The following MAPK10 variants were observed in gnomAD, a reference collection of about 807,000 sequenced individuals.
MAPK10 encodes JNK3 alpha protein kinase.
In MAPK10, 25 loss-of-function variants were observed where a neutral mutation model predicts 59.3. The observed-to-expected ratio is 0.42, with a 90% CI of 0.31 to 0.59. The LOEUF is 0.59. MAPK10 is among the 20% of genes least tolerant of loss of function. The pLI is 0.15. For synonymous variants in MAPK10, 190 were observed against 200.5 expected (o/e 0.95, Z 0.44); for missense variants, 351 against 568.9 (o/e 0.62, Z 3.90).
At chr4:86,232,411 T>C (rs1583249463) in intron 2 of MAPK10, among the ~76,000 whole-genome samples, 2 of 151,978 alleles carry the variant, frequency 1.3e-5, no homozygotes, top group East Asian at 1.9e-4. Flanking sequence ...TCTTGCTCTG[T>C]AGCCCAGGCT....
intron 2 of MAPK10, among the ~76,000 whole-genome samples, chr4:86,322,805 T>A (rs2095929199): frequency 6.6e-6 from 1 of 152,228 alleles, no homozygotes; most frequent in Admixed American, 6.5e-5. Context: ...ATCGAAGTCA[T>A]TCCATATTTG....
intron 1 of MAPK10, among the ~76,000 whole-genome samples, chr4:86,580,171 T>G (rs972905014): frequency 6.6e-6 from 1 of 152,090 alleles, no homozygotes; most frequent in Non-Finnish European, 1.5e-5. Context: ...GCAGTATGTT[T>G]GGAAACAAAT....
At chr4:86,218,697 T>C (rs769670559) in intron 2 of MAPK10, among the ~76,000 whole-genome samples, 1 of 152,078 alleles carries the variant, frequency 6.6e-6, no homozygotes, top group Non-Finnish European at 1.5e-5. Context: ...ATAGGGGCTA[T>C]TAATTAGGTG....
chr4:86,590,601 T>C (rs1050287411), intron 1 of MAPK10, among the ~76,000 whole-genome samples: 5 of 151,996 alleles, frequency 3.3e-5, no homozygotes, highest in African/African-American at 7.3e-5. Flanking sequence ...CTGGGCAACA[T>C]AGCAAGACCC....
intron 11 of MAPK10, among the ~76,000 whole-genome samples, chr4:86,057,387 G>C (rs2044799651): frequency 1.3e-5 from 2 of 150,208 alleles, no homozygotes; most frequent in Non-Finnish European, 1.5e-5. Context: ...AGTTATAACT[G>C]ATTAACATTT....
At chr4:86,539,472 T>C (rs1191342414) in intron 1 of MAPK10, among the ~76,000 whole-genome samples, 2 of 152,066 alleles carry the variant, frequency 1.3e-5, no homozygotes, top group Non-Finnish European at 2.9e-5. Context: ...GCCCTGGTGC[T>C]TTTAGAAACC....
At chr4:86,322,751 CTT>C (rs2148895846) in intron 2 of MAPK10, among the ~76,000 whole-genome samples, 1 of 152,316 alleles carries the variant, frequency 6.6e-6, no homozygotes, top group East Asian at 1.9e-4. Flanking sequence ...ACCCCATTCT[CTT>C]TCCTGGGGTT....
chr4:86,145,644 C>G (rs1039561456), intron 4 of MAPK10, among the ~76,000 whole-genome samples: 1 of 152,140 alleles, frequency 6.6e-6, no homozygotes, highest in Non-Finnish European at 1.5e-5. Flanking sequence ...TCCTACATCT[C>G]TCTGTCTGTG....
At position 86,017,268 on chromosome 4, in the gene MAPK10, C is replaced by A; in HGVS notation, c.1355G>T (p.Ser452Ile). 5 of 1,614,146 alleles carry A rather than the reference C, an allele frequency of 3.1e-6. No homozygotes were observed. The highest frequency in any genetic ancestry group is 4.2e-6 in the Non-Finnish European group (5 of 1,180,014). ...DQTLASDTDSSLEASAGPLGC... is the reference protein window; with the variant it reads ...DQTLASDTDSILEASAGPLGC... Reference sequence around the variant, plus strand: ...CAGGGGTCCTGCCGAGGCTTCCAGGCTGCTGTCAGTGTCAGATGCCAGGGT... The same window carrying A: ...CAGGGGTCCTGCCGAGGCTTCCAGGATGCTGTCAGTGTCAGATGCCAGGGT... Residue 452 changes from serine to isoleucine, a missense_variant, in exon 14 of 14, where the codon AGC becomes ATC. Coordinates refer to ENST00000641462, the MANE Select transcript of MAPK10 (RefSeq NM_138982.4). This position sits in a 1 kb window ranked among gnomAD's most constrained non-coding sequence, Gnocchi z 4.4.
intron 11 of MAPK10, among the ~76,000 whole-genome samples, chr4:86,044,936 A>G (rs148509066): frequency 1.3e-5 from 2 of 152,176 alleles, no homozygotes; most frequent in Non-Finnish European, 2.9e-5. Flanking sequence ...AACTTTCTTA[A>G]GTACTTGCAA....
At chr4:86,073,929 G>A (rs1258783683) in intron 9 of MAPK10, among the ~76,000 whole-genome samples, 1 of 112,126 alleles carries the variant, frequency 8.9e-6, no homozygotes, top group African/African-American at 3.9e-5. Flanking sequence ...GCAGAGCTGA[G>A]TTCAATTCCT....
intron 1 of MAPK10, among the ~76,000 whole-genome samples, chr4:86,527,517 C>G (rs1026640055): frequency 5.9e-5 from 9 of 152,040 alleles, no homozygotes; most frequent in African/African-American, 2.2e-4. Flanking sequence ...ACAACAGATG[C>G]TGGTGAGGCT....
intron 5 of MAPK10, among the ~76,000 whole-genome samples, chr4:86,105,136 C>A (rs985345213): frequency 6.6e-6 from 1 of 151,962 alleles, no homozygotes; most frequent in African/African-American, 2.4e-5. Context: ...AACAGGGGAC[C>A]AAACTAACAC....
chr4:86,100,112 A>G (rs576816735), intron 8 of MAPK10: 1 of 152,338 alleles, frequency 6.6e-6, no homozygotes, highest in Admixed American at 6.5e-5. Context: ...GATTATTTTT[A>G]TAAAACTTAT....
intron 4 of MAPK10, among the ~76,000 whole-genome samples, chr4:86,142,309 A>G (rs2063805919): frequency 6.6e-6 from 1 of 152,224 alleles, no homozygotes. Flanking sequence ...AGCTGCGTTA[A>G]TGGACAAGCC....
chr4:86,440,088 A>C (rs1220559683), intron 1 of MAPK10, among the ~76,000 whole-genome samples: 1 of 152,204 alleles, frequency 6.6e-6, no homozygotes, highest in African/African-American at 2.4e-5. Context: ...TTAATCACCA[A>C]AACAGCACAG....
At chr4:86,582,279 C>T (rs372445527) in intron 1 of MAPK10, among the ~76,000 whole-genome samples, 5 of 151,324 alleles carry the variant, frequency 3.3e-5, no homozygotes, top group African/African-American at 4.9e-5. Flanking sequence ...TTTGCTAATA[C>T]GTTTTTGTTT....
chr4:86,232,422 A>G (rs139054115), intron 2 of MAPK10, among the ~76,000 whole-genome samples: 12,618 of 150,746 alleles, frequency 0.084, 1,164 homozygotes, highest in African/African-American at 0.23. Flanking sequence ...AGCCCAGGCT[A>G]GAGTGCAGTG....
At chr4:86,105,332 T>G (rs2056340932) in intron 5 of MAPK10, among the ~76,000 whole-genome samples, 1 of 152,160 alleles carries the variant, frequency 6.6e-6, no homozygotes, top group African/African-American at 2.4e-5. Context: ...TTCTGTAGAC[T>G]TCTGCATACA....
Sources: gnomAD v4.1 joint callset for allele counts (sites outside exome capture counted in the v4.1 genomes callset) on GRCh38, gnomAD v4.1.1 for gene constraint, Gnocchi (gnomAD v3.1) non-coding constraint, MANE v1.5 for transcripts, NCBI Gene and HGNC (gene_info 2026-07-23, HGNC 2026-07-21) for gene names.